The following CDH8 variants were observed in gnomAD, a reference collection of about 807,000 sequenced individuals.
CDH8 encodes cadherin 8, also known as cadherin-8.
In CDH8, 17 loss-of-function variants were observed where a neutral mutation model predicts 68.1. The observed-to-expected ratio is 0.25, with a 90% CI of 0.17 to 0.37. CDH8 has a LOEUF of 0.37. CDH8 is among the 10% of genes least tolerant of loss of function. CDH8 has a pLI of 1.00. For synonymous variants in CDH8, 372 were observed against 365.1 expected (o/e 1.02, Z -0.21); for missense variants, 763 against 999.3 (o/e 0.76, Z 3.19).
intron 7 of CDH8, among the ~76,000 whole-genome samples, chr16:61,810,003 C>T (rs1961900925): frequency 1.3e-5 from 2 of 152,190 alleles, no homozygotes; most frequent in Non-Finnish European, 2.9e-5. Flanking sequence ...ATTTAAACGG[C>T]ATAAATGCAC....
intron 3 of CDH8, among the ~76,000 whole-genome samples, chr16:61,899,371 G>A (rs1963927304): frequency 1.3e-5 from 2 of 152,104 alleles, no homozygotes; most frequent in African/African-American, 4.8e-5. Context: ...TGACAATGTG[G>A]ATTAACAGCT....
At chr16:61,949,976 A>G (rs947671385) in intron 2 of CDH8, among the ~76,000 whole-genome samples, 21 of 143,748 alleles carry the variant, frequency 1.5e-4, no homozygotes, top group Non-Finnish European at 2.3e-4. Context: ...TGGCAGAGCA[A>G]GACCCTGTCT....
intron 8 of CDH8, among the ~76,000 whole-genome samples, chr16:61,779,425 ATGTGTGTGTGTG>A (rs10539934): frequency 6.5e-5 from 9 of 139,112 alleles, no homozygotes; most frequent in Admixed American, 2.2e-4. Context: ...ATGTTCGTTT[ATGTGTGTGTGTG>A]TGTGTGTGTG....
At chr16:61,726,715 G>A (rs1374954745) in intron 9 of CDH8, 1 of 301,812 alleles carries the variant, frequency 3.3e-6, no homozygotes, top group Non-Finnish European at 6.1e-6. Context: ...GTATTCATAT[G>A]TTTGCTGTGA....
chr16:61,874,930 C>T (rs1963434524), intron 3 of CDH8, among the ~76,000 whole-genome samples: 1 of 152,098 alleles, frequency 6.6e-6, no homozygotes, highest in Admixed American at 6.5e-5. Flanking sequence ...TCTGTTTTTG[C>T]AAGACAGAGT....
At chr16:62,004,324 G>C (rs1347474580) in intron 2 of CDH8, among the ~76,000 whole-genome samples, 1 of 152,102 alleles carries the variant, frequency 6.6e-6, no homozygotes, top group East Asian at 1.9e-4. Flanking sequence ...GAGTATGGGG[G>C]CTATTGTGGC....
At chr16:61,837,598 T>C (rs1962594547) in intron 4 of CDH8, among the ~76,000 whole-genome samples, 3 of 152,178 alleles carry the variant, frequency 2.0e-5, no homozygotes, top group Admixed American at 1.3e-4. Flanking sequence ...GGGCACTATA[T>C]TGCAAGTTGC....
At chr16:61,718,575 T>G (rs910670553) in intron 9 of CDH8, among the ~76,000 whole-genome samples, 1 of 151,362 alleles carries the variant, frequency 6.6e-6, no homozygotes, top group African/African-American at 2.4e-5. Context: ...AATGTTTGGC[T>G]TTCTATTAAT....
intron 2 of CDH8, among the ~76,000 whole-genome samples, chr16:62,003,414 T>C (rs775990929): frequency 7.2e-5 from 11 of 152,228 alleles, no homozygotes; most frequent in Non-Finnish European, 1.3e-4. Context: ...TTTAATAACG[T>C]GCTTTATATG....
rs575127575 is a variant in CDH8 at position 61,933,861 on chromosome 16, T to C, written c.253-32388A>G. ...AATGTTTCCCAAAGAGAGATACATA[T>C]GTTAATTTTAAGTAGTATAGCGAGA... On this transcript the variant is annotated intron_variant, in intron 2 of 11. Transcript: ENST00000577390. 1.3e-4 allele frequency among the ~76,000 whole-genome samples: 20 copies of C among 152,314 alleles called. No individual in the cohort carries two copies. The South Asian group carries it at 3.5e-3, about 27-fold the overall frequency.
At chr16:61,844,294 G>A (rs1310245244) in intron 4 of CDH8, among the ~76,000 whole-genome samples, 1 of 101,342 alleles carries the variant, frequency 9.9e-6, no homozygotes, top group Non-Finnish European at 1.8e-5. Flanking sequence ...GGGGAGGGGG[G>A]AGGGAGGGAT....
chr16:61,809,692 A>G (rs1178596784), intron 7 of CDH8, among the ~76,000 whole-genome samples: 1 of 152,250 alleles, frequency 6.6e-6, no homozygotes, highest in African/African-American at 2.4e-5. Flanking sequence ...TGCTCAGTGC[A>G]CTGGAATTTA....
intron 1 of CDH8, among the ~76,000 whole-genome samples, chr16:62,035,573 C>T (rs929973841): frequency 6.6e-6 from 1 of 152,166 alleles, no homozygotes; most frequent in Admixed American, 6.5e-5. Flanking sequence ...GGGTCGCCCT[C>T]CCTCGCCTCG....
intron 5 of CDH8, among the ~76,000 whole-genome samples, chr16:61,822,189 T>A (rs1356055850): frequency 2.9e-5 from 4 of 139,336 alleles, no homozygotes; most frequent in Admixed American, 2.4e-4. Flanking sequence ...CTGTAGTAAC[T>A]GGCTCAAAAA....
chr16:62,012,738 C>T (rs984202063), intron 2 of CDH8, among the ~76,000 whole-genome samples: 5 of 152,132 alleles, frequency 3.3e-5, no homozygotes, highest in Admixed American at 3.3e-4. Flanking sequence ...TATTTCCTTA[C>T]AGGTTCTCCT....
chr16:61,979,869 G>A (rs75306837), intron 2 of CDH8, among the ~76,000 whole-genome samples: 1 of 152,152 alleles, frequency 6.6e-6, no homozygotes, highest in Admixed American at 6.5e-5. Flanking sequence ...CCGCTTTCAA[G>A]ACAGAGCAAT....
intron 4 of CDH8, among the ~76,000 whole-genome samples, chr16:61,847,538 T>TTATATATATATATATATATATATATA (rs56946081): frequency 7.3e-6 from 1 of 136,738 alleles, no homozygotes; most frequent in Non-Finnish European, 1.6e-5. Flanking sequence ...TCCAATCATT[T>TTATATATATATATATATATATATATA]TATATATATA....
At chr16:61,818,511 T>C (rs992957733) in intron 6 of CDH8, among the ~76,000 whole-genome samples, 2 of 152,134 alleles carry the variant, frequency 1.3e-5, no homozygotes, top group African/African-American at 4.8e-5. Flanking sequence ...CAATTTGAAA[T>C]TACCTCATTG....
At chr16:61,668,668 G>GA (rs10650925) in intron 10 of CDH8, among the ~76,000 whole-genome samples, 2,036 of 139,518 alleles carry the variant, frequency 0.015, 38 homozygotes, top group African/African-American at 0.042. Flanking sequence ...AACCACTTAG[G>GA]AAAAAAAAAA....
Sources: allele counts gnomAD v4.1 joint callset (sites outside exome capture counted in the v4.1 genomes callset), GRCh38; gene constraint gnomAD v4.1.1; transcripts MANE v1.5; gene names NCBI Gene and HGNC (gene_info 2026-07-23, HGNC 2026-07-21).